CLNK: variants seen among roughly 807,000 people sequenced by gnomAD.
CLNK encodes the protein cytokine-dependent hematopoietic cell linker.
Under a neutral mutation model 68.6 loss-of-function variants are expected in CLNK, and 74 were observed. The ratio of observed to expected loss-of-function variants is 1.08; its 90% CI spans 0.89 to 1.31. The LOEUF is 1.31. CLNK is among the 50% of genes most tolerant of loss of function. CLNK has a pLI of 0.00. For synonymous variants in CLNK, 198 were observed against 172.2 expected (o/e 1.15, Z -1.17); for missense variants, 553 against 515.3 (o/e 1.07, Z -0.71).
chr4:10,675,609 C>T (rs979962032), intron 1 of CLNK, among the ~76,000 whole-genome samples: 5 of 152,182 alleles, frequency 3.3e-5, no homozygotes, highest in African/African-American at 7.2e-5. Context: ...GAAAAAAATG[C>T]TTTTAGGGTA....
intron 2 of CLNK, among the ~76,000 whole-genome samples, chr4:10,642,461 G>C (rs768136613): frequency 6.6e-6 from 1 of 152,178 alleles, no homozygotes; most frequent in Admixed American, 6.5e-5. Flanking sequence ...CCTAAAGGTA[G>C]ACCAGTTGGG....
At chr4:10,612,127 G>A (rs1722056435) in intron 2 of CLNK, among the ~76,000 whole-genome samples, 1 of 152,212 alleles carries the variant, frequency 6.6e-6, no homozygotes, top group African/African-American at 2.4e-5. Flanking sequence ...GATCCTCTCA[G>A]TAACCAAGTG....
intron 2 of CLNK, among the ~76,000 whole-genome samples, chr4:10,640,124 G>A (rs1374648717): frequency 2.0e-5 from 3 of 152,012 alleles, no homozygotes; most frequent in African/African-American, 7.3e-5. Context: ...GGTTATTTAG[G>A]GCATTGTTGC....
At chr4:10,687,837 A>G (rs1725322582), upstream of CLNK, among the ~76,000 whole-genome samples, 1 of 152,056 alleles carries the variant, frequency 6.6e-6, no homozygotes, top group African/African-American at 2.4e-5. Flanking sequence ...TTTTGTGTTC[A>G]TTGCTTCACG....
intron 15 of CLNK, among the ~76,000 whole-genome samples, chr4:10,515,858 A>T (rs1446468383): frequency 6.6e-6 from 1 of 152,196 alleles, no homozygotes; most frequent in Non-Finnish European, 1.5e-5. Flanking sequence ...TCCTGCCTGG[A>T]TAAAAGGTAA....
At chr4:10,497,430 G>A (rs1023462806) in intron 18 of CLNK, among the ~76,000 whole-genome samples, 57 of 152,192 alleles carry the variant, frequency 3.7e-4, no homozygotes, top group African/African-American at 1.4e-3. Flanking sequence ...GGAACGCAAA[G>A]GAGGAGAAAA....
intron 3 of CLNK, among the ~76,000 whole-genome samples, chr4:10,595,989 T>C (rs1402608216): frequency 6.6e-6 from 1 of 152,182 alleles, no homozygotes; most frequent in African/African-American, 2.4e-5. Context: ...GTTCAAGAGA[T>C]TCAATAGTGA....
intron 2 of CLNK, among the ~76,000 whole-genome samples, chr4:10,623,489 G>T (rs1366088118): frequency 1.3e-5 from 2 of 152,284 alleles, no homozygotes; most frequent in Middle Eastern, 3.4e-3. Context: ...TAGATATGCA[G>T]CCTCTAAAGC....
chr4:10,717,342 T>C, the CLNK span, among the ~76,000 whole-genome samples: 1 of 152,318 alleles, frequency 6.6e-6, no homozygotes, highest in East Asian at 1.9e-4. Flanking sequence ...ACGCCTGTAA[T>C]CCCAGCACTT....
At chr4:10,727,199 A>G in the CLNK span, among the ~76,000 whole-genome samples, 1 of 152,244 alleles carries the variant, frequency 6.6e-6, no homozygotes, top group African/African-American at 2.4e-5. Flanking sequence ...AGCAAGAGCC[A>G]TTCTCTTTTC....
At chr4:10,544,552 G>T (rs1042069037) in intron 8 of CLNK, among the ~76,000 whole-genome samples, 2 of 152,042 alleles carry the variant, frequency 1.3e-5, no homozygotes, top group Non-Finnish European at 2.9e-5. Flanking sequence ...TAGGAGCTGG[G>T]GCTACTGTGT....
At chr4:10,529,907 A>G (rs1226254252) in intron 12 of CLNK, among the ~76,000 whole-genome samples, 1 of 152,182 alleles carries the variant, frequency 6.6e-6, no homozygotes, top group East Asian at 1.9e-4. Context: ...TTTCTTCTGT[A>G]ACTTTTTTAT....
the CLNK span, among the ~76,000 whole-genome samples, chr4:10,722,324 A>G: frequency 6.6e-6 from 1 of 152,160 alleles, no homozygotes; most frequent in African/African-American, 2.4e-5. Flanking sequence ...CTAAGCTCCT[A>G]AATATGAAAC....
rs537528055 is a variant in CLNK, at chr4:10,509,099, C to T, written c.907-1063G>A. On this transcript the variant is annotated intron_variant, in intron 16 of 18. Coordinates refer to ENST00000226951, the MANE Select transcript of CLNK (RefSeq NM_052964.4). ...TCCAGCCTGGTGACAGAGTGAGACT[C>T]GGTCTCAAAAAAAAAAAAAAAAAAA... Among the ~76,000 whole-genome samples, 5 of 64,642 alleles carry T rather than the reference C, an allele frequency of 7.7e-5. No individual in the cohort carries two copies. The East Asian group carries it at 2.5e-3, about 33-fold the overall frequency. 42.4% of individuals were successfully genotyped at this position (64,642 alleles called of 152,430 possible).
chr4:10,509,683 G>A (rs1717481484), intron 16 of CLNK, among the ~76,000 whole-genome samples: 1 of 152,040 alleles, frequency 6.6e-6, no homozygotes, highest in African/African-American at 2.4e-5. Flanking sequence ...TGGCCACCAT[G>A]CCCGGCTAAT....
intron 2 of CLNK, among the ~76,000 whole-genome samples, chr4:10,637,583 C>CT (rs1158317670): frequency 0.043 from 3,041 of 71,444 alleles, 680 homozygotes; most frequent in South Asian, 0.052. Context: ...CACCATTCCT[C>CT]TTTTTTTTTT....
chr4:10,725,791 C>A, the CLNK span, among the ~76,000 whole-genome samples: 2 of 151,550 alleles, frequency 1.3e-5, no homozygotes, highest in Non-Finnish European at 2.9e-5. Context: ...GGAGGCGGAC[C>A]TTGCAGTGAG....
At position 10,488,907 on chromosome 4, in the gene CLNK, T is replaced by A. The variant is rs1227890231; in HGVS notation, c.*1560A>T. 6.6e-6 allele frequency: 1 copy of A among 152,248 alleles called. No individual in the cohort carries two copies. The highest frequency in any genetic ancestry group is 1.5e-5 in the Non-Finnish European group (1 of 68,046). The allele number at this position is 152,248 out of a possible 1,614,324, so 9.4% of individuals were successfully genotyped here. A position where few individuals can be genotyped will look rare whatever the true frequency, so the allele number is the denominator to read the frequency against. On this transcript the variant is annotated 3_prime_UTR_variant, in exon 19 of 19. Transcript: ENST00000226951. Reference sequence around the variant, plus strand: ...TACAATTACATAAATACTCTATGAATTTCCTTTGTAAGCTTTGGTAGCATT... The same window carrying A: ...TACAATTACATAAATACTCTATGAAATTCCTTTGTAAGCTTTGGTAGCATT...
chr4:10,583,867 G>A (rs1445306243), intron 4 of CLNK, among the ~76,000 whole-genome samples: 1 of 152,150 alleles, frequency 6.6e-6, no homozygotes, highest in Non-Finnish European at 1.5e-5. Context: ...TATTTTACCT[G>A]TGTGCTTTAT....
Sources: gnomAD v4.1 joint callset for allele counts (sites outside exome capture counted in the v4.1 genomes callset) on GRCh38, gnomAD v4.1.1 for gene constraint, MANE v1.5 for transcripts, NCBI Gene and HGNC (gene_info 2026-07-23, HGNC 2026-07-21) for gene names.